HNRNPC: variants seen among roughly 807,000 people sequenced by gnomAD.
The protein encoded by HNRNPC is heterogeneous nuclear ribonucleoprotein C, also known as heterogeneous nuclear ribonucleoproteins C1/C2.
Under a neutral mutation model 33.2 loss-of-function variants are expected in HNRNPC, and 3 were observed. The observed-to-expected ratio is 0.09, with a 90% confidence interval of 0.04 to 0.23. The LOEUF (loss-of-function observed/expected upper bound fraction) is 0.23, where lower values mean the gene tolerates loss of function less well. Ranked by LOEUF, HNRNPC falls within the 10% of genes least tolerant of loss-of-function variation. The pLI is 1.00. For synonymous variants in HNRNPC, 121 were observed against 126.7 expected, an observed-to-expected ratio of 0.96 and a Z score of 0.30; for missense variants, 143 against 366.7, an observed-to-expected ratio of 0.39 and a Z score of 4.98.
At chr14:21,222,986 G>C (rs1012228011) in intron 5 of HNRNPC, among the ~76,000 whole-genome samples, 3 of 152,038 alleles carry the variant, frequency 2.0e-5, no homozygotes, top group South Asian at 4.1e-4. Context: ...AGATCTCGAG[G>C]TCAGGTGTTC....
chr14:21,210,671 T>G lies in HNRNPC; in HGVS notation c.*552A>C, dbSNP rs947003818. ...AACTTTAGAAAACAAATCTTAAGAC[T>G]ATAACACTAATTATTTTTCTAGAGG... On this transcript the variant is annotated 3_prime_UTR_variant, in exon 9 of 9. Transcript: ENST00000553300. The G allele has an allele frequency of 1.3e-5, 2 of 152,634 alleles. No individual in the cohort carries two copies. The highest frequency in any genetic ancestry group is 2.9e-5 in the Non-Finnish European group (2 of 68,154). 9.5% of individuals were successfully genotyped at this position (152,634 alleles called of 1,614,324 possible). A position where few individuals can be genotyped will look rare whatever the true frequency, so the allele number is the denominator to read the frequency against.
At chr14:21,245,947 G>A (rs1895936619) in intron 2 of HNRNPC, among the ~76,000 whole-genome samples, 1 of 152,024 alleles carries the variant, frequency 6.6e-6, no homozygotes, top group South Asian at 2.1e-4. Context: ...CCAGGTTCAA[G>A]CGATTTTGCC....
At chr14:21,235,053 C>T (rs1209097038) in intron 2 of HNRNPC, among the ~76,000 whole-genome samples, 2 of 152,174 alleles carry the variant, frequency 1.3e-5, no homozygotes, top group Non-Finnish European at 1.5e-5. Context: ...CAACTTTCCA[C>T]GCATTATTTA....
intron 5 of HNRNPC, among the ~76,000 whole-genome samples, chr14:21,221,838 G>A (rs1892854772): frequency 6.6e-6 from 1 of 151,990 alleles, no homozygotes; most frequent in Admixed American, 6.6e-5. Flanking sequence ...ACGAGGTCAG[G>A]AGATCAAGAC....
In HNRNPC at chr14:21,211,526, G is replaced by A. The variant is rs777417857; in HGVS notation, c.678C>T (p.Ser226=). 3.1e-6 allele frequency: 5 copies of A among 1,612,118 alleles called. No individual in the cohort carries two copies. The highest frequency in any genetic ancestry group is 3.4e-6 in the Non-Finnish European group (4 of 1,179,256). Residue 226 remains serine (S), a synonymous_variant, in exon 8 of 9, where the codon AGC becomes AGT. Coordinates refer to ENST00000553300, the MANE Select transcript of HNRNPC (RefSeq NM_004500.4). ...KNDKSEEEQS[S]SSVKKDETNV... is the part of the protein sequence containing the mutation. Reference sequence around the variant, plus strand: ...TAGTCTCATCTTTCTTCACGGAGCTGCTGCTCTGCTCCTCTTCTGACTTAT... The same window carrying A: ...TAGTCTCATCTTTCTTCACGGAGCTACTGCTCTGCTCCTCTTCTGACTTAT...
At chr14:21,217,786 CTTATTTT>C (rs1892350827) in intron 5 of HNRNPC, among the ~76,000 whole-genome samples, 1 of 152,104 alleles carries the variant, frequency 6.6e-6, no homozygotes, top group Non-Finnish European at 1.5e-5. Context: ...AATGTACATA[CTTATTTT>C]AAGAGGAATA....
chr14:21,268,618 C>T (rs1391174950), intron 1 of HNRNPC: 1 of 152,136 alleles, frequency 6.6e-6, no homozygotes, highest in African/African-American at 2.4e-5. Context: ...AGAGTTAATA[C>T]CTACCTCAAG....
intron 2 of HNRNPC, among the ~76,000 whole-genome samples, chr14:21,254,238 G>A (rs904915591): frequency 6.6e-6 from 1 of 152,116 alleles, no homozygotes; most frequent in Non-Finnish European, 1.5e-5. Flanking sequence ...GAGTACAACA[G>A]TGTATTGGTA....
intron 2 of HNRNPC, among the ~76,000 whole-genome samples, chr14:21,241,615 T>C (rs548925032): frequency 2.8e-4 from 43 of 152,354 alleles, no homozygotes; most frequent in Non-Finnish European, 5.1e-4. Flanking sequence ...CCGGCTACCC[T>C]ATCCCACATT....
intron 2 of HNRNPC, among the ~76,000 whole-genome samples, chr14:21,260,509 TTTC>T (rs1318476841): frequency 1.3e-5 from 2 of 152,100 alleles, no homozygotes; most frequent in African/African-American, 4.8e-5. Context: ...TTCTGCATGC[TTTC>T]TTTTTTTAAA....
chr14:21,211,781 T>A (rs184224993), intron 7 of HNRNPC, 29 bp downstream of exon 7: 1 of 1,582,736 alleles, frequency 6.3e-7, no homozygotes, highest in East Asian at 2.2e-5. Context: ...CCCAACTGTA[T>A]ACCAAGGGCA....
intron 2 of HNRNPC, among the ~76,000 whole-genome samples, chr14:21,259,349 G>T (rs1488850712): frequency 6.6e-6 from 1 of 152,098 alleles, no homozygotes; most frequent in African/African-American, 2.4e-5. Context: ...ACTGTGAAAA[G>T]TGCCATTTAC....
chr14:21,244,862 T>C (rs574576892), intron 2 of HNRNPC, among the ~76,000 whole-genome samples: 30 of 152,138 alleles, frequency 2.0e-4, no homozygotes, highest in African/African-American at 6.7e-4. Context: ...GGTTCACGCC[T>C]GTAATCCCAA....
At position 21,211,656 on chromosome 14, in the gene HNRNPC, A is replaced by C. The variant is rs1416837931; in HGVS notation, c.638-90T>G. The C allele has an allele frequency of 1.1e-5, 16 of 1,476,606 alleles. No homozygotes were observed. The East Asian group carries it at 1.4e-4, about 13-fold the overall frequency. 91.5% of individuals were successfully genotyped at this position (1,476,606 alleles called of 1,614,324 possible). A position where few individuals can be genotyped will look rare whatever the true frequency, so the allele number is the denominator to read the frequency against. ...CTAAGGATCACAGAACTGCAGCACA[A>C]ATCTAAATCCTCCCACACAAATACC... is the stretch of plus-strand genomic sequence containing the variant. On this transcript the variant is annotated intron_variant, in intron 7 of 8. Coordinates refer to ENST00000553300, the MANE Select transcript of HNRNPC (RefSeq NM_004500.4).
chr14:21,243,867 T>G (rs1204690649), intron 2 of HNRNPC, among the ~76,000 whole-genome samples: 1 of 152,232 alleles, frequency 6.6e-6, no homozygotes, highest in East Asian at 1.9e-4. Flanking sequence ...ACGTAGAGGT[T>G]CTAACACTAT....
intron 5 of HNRNPC, among the ~76,000 whole-genome samples, chr14:21,225,279 A>T (rs78858852): frequency 1.3e-5 from 2 of 151,878 alleles, no homozygotes; most frequent in African/African-American, 2.4e-5. Flanking sequence ...AAAAAAAAAA[A>T]TTAGCCACGC....
intron 2 of HNRNPC, chr14:21,236,398 G>A (rs910471890): frequency 6.6e-6 from 1 of 152,124 alleles, no homozygotes; most frequent in Non-Finnish European, 1.5e-5. Flanking sequence ...TCAAGATGGA[G>A]GCAACAGTAA....
At chr14:21,211,383 C>A (rs1280855566) in intron 8 of HNRNPC, 23 bp downstream of exon 8, 4 of 1,357,026 alleles carry the variant, frequency 2.9e-6, no homozygotes, top group African/African-American at 3.1e-5. Context: ...CCACCTTTTT[C>A]TTTCCTTTCC....
intron 5 of HNRNPC, among the ~76,000 whole-genome samples, chr14:21,226,217 G>A (rs887579815): frequency 1.3e-5 from 2 of 151,270 alleles, no homozygotes; most frequent in Admixed American, 6.6e-5. Context: ...AGCTACTCAG[G>A]AGGCTGAGGC....
Sources: gnomAD v4.1 joint callset for allele counts (sites outside exome capture counted in the v4.1 genomes callset) on GRCh38, gnomAD v4.1.1 for gene constraint, MANE v1.5 for transcripts, NCBI Gene and HGNC (gene_info 2026-07-23, HGNC 2026-07-21) for gene names.